MMS22L: variants seen among roughly 807,000 people sequenced by gnomAD.
MMS22L encodes the protein protein MMS22-like.
MMS22L carries 74 observed loss-of-function variants against 159.1 expected under a neutral mutation model. That is an observed-to-expected ratio of 0.47 (90% CI 0.39 to 0.56). The LOEUF (loss-of-function observed/expected upper bound fraction) is 0.56, where lower values mean the gene tolerates loss of function less well. Among genes scored for constraint, MMS22L ranks in the 20% least tolerant of loss-of-function variants. The pLI is 0.00. For missense variants in MMS22L, 1,351 were observed against 1,422.1 expected (o/e 0.95, Z 0.80); for synonymous variants, 517 against 506.9 (o/e 1.02, Z -0.27).
intron 14 of MMS22L, among the ~76,000 whole-genome samples, chr6:97,188,176 T>C (rs758656109): frequency 1.2e-4 from 19 of 152,160 alleles, no homozygotes; most frequent in Admixed American, 3.3e-4. Context: ...TATATCAACA[T>C]AGCAAAGTTC....
At chr6:97,185,604 C>A (rs1805146830) in intron 15 of MMS22L, among the ~76,000 whole-genome samples, 1 of 152,030 alleles carries the variant, frequency 6.6e-6, no homozygotes, top group African/African-American at 2.4e-5. Flanking sequence ...GTTGTCCTGT[C>A]ACAATTCTTT....
At chr6:97,150,821 A>G (rs1208558254) in intron 23 of MMS22L, among the ~76,000 whole-genome samples, 6 of 152,310 alleles carry the variant, frequency 3.9e-5, no homozygotes, top group Admixed American at 3.9e-4. Context: ...TAAGGCAGAG[A>G]TAGGAATAAT....
At chr6:97,190,004 T>C (rs369009870) in intron 14 of MMS22L, among the ~76,000 whole-genome samples, 1 of 152,182 alleles carries the variant, frequency 6.6e-6, no homozygotes, top group Non-Finnish European at 1.5e-5. Flanking sequence ...TATAGCCAAA[T>C]AGCTAGAAAT....
At chr6:97,166,567 A>C (rs1802979581) in intron 20 of MMS22L, among the ~76,000 whole-genome samples, 1 of 150,298 alleles carries the variant, frequency 6.7e-6, no homozygotes, top group Admixed American at 6.6e-5. Flanking sequence ...TGAGTAGTTT[A>C]AGGAAAAGCA....
At chr6:97,208,228 T>C (rs1807993881) in intron 14 of MMS22L, among the ~76,000 whole-genome samples, 1 of 152,152 alleles carries the variant, frequency 6.6e-6, no homozygotes, top group Non-Finnish European at 1.5e-5. Context: ...AAAATTACTT[T>C]GGCATTTTTG....
chr6:97,228,233 G>C (rs1468104951), intron 14 of MMS22L, among the ~76,000 whole-genome samples: 1 of 152,140 alleles, frequency 6.6e-6, no homozygotes, highest in Non-Finnish European at 1.5e-5. Flanking sequence ...TTTTCTGAGA[G>C]GTAGCAGGGG....
At chr6:97,171,238 T>C (rs997507643) in intron 19 of MMS22L, among the ~76,000 whole-genome samples, 1 of 152,186 alleles carries the variant, frequency 6.6e-6, no homozygotes, top group Non-Finnish European at 1.5e-5. Context: ...AGATGGCTAC[T>C]ACAAGTTTGA....
chr6:97,261,078 T>C (rs1307671930), intron 9 of MMS22L: 1 of 152,226 alleles, frequency 6.6e-6, no homozygotes, highest in Non-Finnish European at 1.5e-5. Context: ...GAAAACTTTT[T>C]CAGTATCTTC....
intron 11 of MMS22L, among the ~76,000 whole-genome samples, chr6:97,244,945 T>G (rs11965747): frequency 0.018 from 2,739 of 152,030 alleles, 81 homozygotes; most frequent in African/African-American, 0.063. Context: ...TGGCTGCCTC[T>G]GCTGCTTCAT....
At chr6:97,188,261 A>G (rs1805459527) in intron 14 of MMS22L, among the ~76,000 whole-genome samples, 1 of 152,198 alleles carries the variant, frequency 6.6e-6, no homozygotes, top group Non-Finnish European at 1.5e-5. Flanking sequence ...GCTTTTTCAA[A>G]GTATATTGGT....
intron 11 of MMS22L, among the ~76,000 whole-genome samples, chr6:97,238,579 G>GTC (rs1811689215): frequency 1.3e-5 from 1 of 78,512 alleles, no homozygotes; most frequent in Non-Finnish European, 3.5e-5. Flanking sequence ...TCTCGTGTGT[G>GTC]TGTGTGTGTG....
chr6:97,190,004 T>G (rs369009870), intron 14 of MMS22L, among the ~76,000 whole-genome samples: 1 of 152,182 alleles, frequency 6.6e-6, no homozygotes, highest in African/African-American at 2.4e-5. Context: ...TATAGCCAAA[T>G]AGCTAGAAAT....
intron 14 of MMS22L, among the ~76,000 whole-genome samples, chr6:97,195,150 G>A (rs868078595): frequency 1.3e-5 from 2 of 152,056 alleles, no homozygotes; most frequent in African/African-American, 4.8e-5. Flanking sequence ...AACTAAATAA[G>A]TAAGGGAGGG....
chr6:97,211,664 A>G (rs1808389286), intron 14 of MMS22L, among the ~76,000 whole-genome samples: 1 of 152,140 alleles, frequency 6.6e-6, no homozygotes, highest in African/African-American at 2.4e-5. Context: ...TTCTTCTGAC[A>G]TCTATTTTTC....
chr6:97,272,639 T>G, intron 6 of MMS22L, 65 bp downstream of exon 6: 2 of 1,400,524 alleles, frequency 1.4e-6, no homozygotes, highest in Non-Finnish European at 2.0e-6. Flanking sequence ...CTCTCCTTCT[T>G]GAATGAATAC....
intron 14 of MMS22L, among the ~76,000 whole-genome samples, chr6:97,210,715 G>C (rs548525429): frequency 3.9e-4 from 59 of 152,038 alleles, no homozygotes; most frequent in Middle Eastern, 6.8e-3. Flanking sequence ...GAACTGTGTT[G>C]AATCTCTAAA....
At chr6:97,190,153 A>T (rs1303378739) in intron 14 of MMS22L, among the ~76,000 whole-genome samples, 1 of 152,236 alleles carries the variant, frequency 6.6e-6, no homozygotes, top group East Asian at 1.9e-4. Context: ...AATGCAAAGA[A>T]GAAGCTCTGT....
intron 10 of MMS22L, among the ~76,000 whole-genome samples, chr6:97,249,608 A>G (rs1279994937): frequency 1.3e-5 from 2 of 152,170 alleles, no homozygotes; most frequent in Non-Finnish European, 2.9e-5. Context: ...ATTTCACAGA[A>G]AACATAATTA....
chr6:97,224,171 C>A (rs1809963876), intron 14 of MMS22L, among the ~76,000 whole-genome samples: 1 of 152,148 alleles, frequency 6.6e-6, no homozygotes, highest in Admixed American at 6.5e-5. Context: ...CAGAGGACAG[C>A]AAACTACAAA....
Sources: gnomAD v4.1 joint callset for allele counts (sites outside exome capture counted in the v4.1 genomes callset) on GRCh38, gnomAD v4.1.1 for gene constraint, MANE v1.5 for transcripts, NCBI Gene and HGNC (gene_info 2026-07-23, HGNC 2026-07-21) for gene names.